Variants in FOXO1 observed in about 807,000 individuals in gnomAD.
FOXO1 encodes the protein forkhead box O1.
FOXO1 carries 6 observed loss-of-function variants against 44.1 expected under a neutral mutation model. The ratio of observed to expected loss-of-function variants is 0.14; its 90% confidence interval spans 0.07 to 0.27. The LOEUF (loss-of-function observed/expected upper bound fraction) is 0.27. Among genes scored for constraint, FOXO1 ranks in the 10% least tolerant of loss-of-function variants. The pLI is 1.00. For missense variants in FOXO1, 737 were observed against 888.8 expected, an observed-to-expected ratio of 0.83 and a Z score of 2.17; for synonymous variants, 380 against 362.7, an observed-to-expected ratio of 1.05 and a Z score of -0.54.
intron 1 of FOXO1, among the ~76,000 whole-genome samples, chr13:40,578,867 C>A (rs1211276657): frequency 6.6e-6 from 1 of 152,210 alleles, no homozygotes; most frequent in South Asian, 2.1e-4. Flanking sequence ...CATGCACATG[C>A]ACACCCCTCC....
rs1375833646 is a variant in FOXO1 at position 40,651,113 on chromosome 13, T to G, written c.630+14470A>C. 5.3e-5 allele frequency among the ~76,000 whole-genome samples: 8 copies of G among 151,734 alleles called. No homozygotes were observed. In the South Asian group the frequency reaches 1.5e-3, roughly 28 times the overall value. On this transcript the variant is annotated intron_variant, in intron 1 of 2. Transcript: ENST00000379561. ...TTTGTTTTTTGTTTTTTGTTTTTGTTTTTTTTTAAGAAACATGGTCCCAGT... is the reference window on the plus strand; with the variant it reads ...TTTGTTTTTTGTTTTTTGTTTTTGTGTTTTTTTAAGAAACATGGTCCCAGT...
chr13:40,625,807 C>A (rs1029294548), intron 1 of FOXO1, among the ~76,000 whole-genome samples: 2 of 152,080 alleles, frequency 1.3e-5, no homozygotes, highest in East Asian at 1.9e-4. Context: ...TTTCCTCTTA[C>A]CATGTGAAAG....
rs548507475 is a variant in FOXO1, at chr13:40,567,860, C to T, written c.631-7000G>A. On this transcript the variant is annotated intron_variant, in intron 1 of 2. Transcript: ENST00000379561. ...GTGGGCACCTGTAGTCCCAGGTACT[C>T]GGGAGACTGAGGCAGGAGAATCACT... Among the ~76,000 whole-genome samples, 10 of 151,970 alleles carry T rather than the reference C, an allele frequency of 6.6e-5. No homozygotes were observed. The South Asian group carries it at 1.7e-3, about 25-fold the overall frequency.
chr13:40,603,766 G>C (rs1875895664), intron 1 of FOXO1, among the ~76,000 whole-genome samples: 1 of 152,038 alleles, frequency 6.6e-6, no homozygotes, highest in Non-Finnish European at 1.5e-5. Flanking sequence ...TCTTTCAAGG[G>C]GTTCAACTTA....
chr13:40,586,353 G>T (rs1295104854), intron 1 of FOXO1, among the ~76,000 whole-genome samples: 8 of 152,178 alleles, frequency 5.3e-5, no homozygotes, highest in Non-Finnish European at 1.0e-4. Flanking sequence ...ACTTCCTACA[G>T]GATATGCTTT....
intron 1 of FOXO1, among the ~76,000 whole-genome samples, chr13:40,641,397 CATT>C (rs1450231429): frequency 6.6e-6 from 1 of 151,228 alleles, no homozygotes; most frequent in East Asian, 1.9e-4. Flanking sequence ...ACATAAATCT[CATT>C]ATATCTCATT....
chr13:40,625,193 G>A (rs1876747330), intron 1 of FOXO1, among the ~76,000 whole-genome samples: 1 of 152,086 alleles, frequency 6.6e-6, no homozygotes, highest in South Asian at 2.1e-4. Flanking sequence ...GAAAAAAGAG[G>A]AAATAAAAGC....
chr13:40,620,383 T>C (rs1876568353), intron 1 of FOXO1: 1 of 689,622 alleles, frequency 1.5e-6, no homozygotes, highest in African/African-American at 1.8e-5. Context: ...CGGTCACGTA[T>C]TCAAACCTAT....
At chr13:40,628,314 T>C (rs1289088338) in intron 1 of FOXO1, among the ~76,000 whole-genome samples, 1 of 151,712 alleles carries the variant, frequency 6.6e-6, no homozygotes, top group Non-Finnish European at 1.5e-5. Context: ...ACATTCTAAA[T>C]ATGTGCAGAT....
intron 2 of FOXO1, among the ~76,000 whole-genome samples, chr13:40,559,245 C>T (rs1337981718): frequency 1.3e-5 from 2 of 152,098 alleles, no homozygotes; most frequent in Non-Finnish European, 2.9e-5. Context: ...CAAATGTATT[C>T]ATTTATTGAA....
intron 1 of FOXO1, among the ~76,000 whole-genome samples, chr13:40,660,183 G>A (rs1877991585): frequency 6.6e-6 from 1 of 152,262 alleles, no homozygotes; most frequent in South Asian, 2.1e-4. Flanking sequence ...GGGGGGCTGG[G>A]CAAGTCTCTG....
At chr13:40,663,201 G>A (rs2137947042) in intron 1 of FOXO1, among the ~76,000 whole-genome samples, 1 of 151,878 alleles carries the variant, frequency 6.6e-6, no homozygotes, top group African/African-American at 2.4e-5. Flanking sequence ...CCTAGCTCTG[G>A]CAAATAAATT....
chr13:40,590,963 G>C (rs1318174417), intron 1 of FOXO1, among the ~76,000 whole-genome samples: 1 of 151,962 alleles, frequency 6.6e-6, no homozygotes, highest in Non-Finnish European at 1.5e-5. Flanking sequence ...TGGTTTCTAA[G>C]GTACTAAAGT....
At position 40,633,494 on chromosome 13, in the gene FOXO1, T is replaced by C. The variant is rs529366393; in HGVS notation, c.630+32089A>G. Among the ~76,000 whole-genome samples the C allele has an allele frequency of 5.3e-5, 8 of 152,322 alleles. No individual in the cohort carries two copies. The East Asian group carries it at 7.7e-4, about 15-fold the overall frequency. Reference sequence around the variant, plus strand: ...ACGGGAATAAACCTCGAAAATGTTATGCTAAGTCAAAGAAGCCAGTCAAAG... The same window carrying C: ...ACGGGAATAAACCTCGAAAATGTTACGCTAAGTCAAAGAAGCCAGTCAAAG... On this transcript the variant is annotated intron_variant, in intron 1 of 2. Coordinates refer to ENST00000379561, the MANE Select transcript of FOXO1 (RefSeq NM_002015.4).
intron 1 of FOXO1, among the ~76,000 whole-genome samples, chr13:40,648,659 CA>C (rs1877583096): frequency 6.6e-6 from 1 of 152,050 alleles, no homozygotes; most frequent in Non-Finnish European, 1.5e-5. Context: ...TCACAGGAAA[CA>C]AAACAAGGGA....
intron 1 of FOXO1, among the ~76,000 whole-genome samples, chr13:40,652,813 C>G (rs1593416336): frequency 6.6e-6 from 1 of 152,290 alleles, no homozygotes; most frequent in East Asian, 1.9e-4. Context: ...CAAAATGTCT[C>G]AAGTATTTGA....
intron 1 of FOXO1, among the ~76,000 whole-genome samples, chr13:40,659,989 A>T (rs1877985941): frequency 6.6e-6 from 1 of 152,220 alleles, no homozygotes; most frequent in Non-Finnish European, 1.5e-5. Flanking sequence ...AGCAACTGGC[A>T]AAGAGGAAGA....
At chr13:40,604,184 A>G (rs75422023) in intron 1 of FOXO1, among the ~76,000 whole-genome samples, 1 of 145,600 alleles carries the variant, frequency 6.9e-6, no homozygotes, top group African/African-American at 2.5e-5. Context: ...TCCACTAAGG[A>G]AAAAAAAAAA....
At chr13:40,647,221 T>C (rs913429108) in intron 1 of FOXO1, among the ~76,000 whole-genome samples, 6 of 152,180 alleles carry the variant, frequency 3.9e-5, no homozygotes, top group African/African-American at 1.4e-4. Flanking sequence ...CATCCTCCTT[T>C]AACTTGTGTG....
Sources: allele counts gnomAD v4.1 joint callset (sites outside exome capture counted in the v4.1 genomes callset), GRCh38; gene constraint gnomAD v4.1.1; transcripts MANE v1.5; gene names NCBI Gene and HGNC (gene_info 2026-07-23, HGNC 2026-07-21).